Variants in CTNNA2 observed in about 807,000 individuals in gnomAD.
CTNNA2 encodes the protein catenin alpha-2.
A neutral mutation model predicts 101.0 loss-of-function variants in CTNNA2; 42 were observed. The observed-to-expected ratio is 0.42, with a 90% confidence interval of 0.32 to 0.54. CTNNA2 has a LOEUF of 0.54. Among genes scored for constraint, CTNNA2 ranks in the 20% least tolerant of loss-of-function variants. The pLI is 0.14. For synonymous variants in CTNNA2, 450 were observed against 456.4 expected (o/e 0.99, Z 0.18); for missense variants, 871 against 1,223.1 (o/e 0.71, Z 4.29).
chr2:80,587,425 T>C (rs1463183437), intron 14 of CTNNA2, among the ~76,000 whole-genome samples: 2 of 152,226 alleles, frequency 1.3e-5, no homozygotes, highest in African/African-American at 4.8e-5. Context: ...ATGATAATTC[T>C]ATACATGCTT....
chr2:80,468,427 T>A (rs1469299089), intron 9 of CTNNA2, among the ~76,000 whole-genome samples: 1 of 150,470 alleles, frequency 6.6e-6, no homozygotes, highest in East Asian at 1.9e-4. Flanking sequence ...TTTATTTATT[T>A]ATTTTTTTTG....
At chr2:79,200,852 T>A (rs1674024837) in intron 2 of CTNNA2, among the ~76,000 whole-genome samples, 1 of 152,190 alleles carries the variant, frequency 6.6e-6, no homozygotes, top group South Asian at 2.1e-4. Flanking sequence ...TACCATATTT[T>A]AGCAAAGACA....
intron 7 of CTNNA2, among the ~76,000 whole-genome samples, chr2:80,224,996 C>T (rs998636168): frequency 2.0e-5 from 3 of 152,168 alleles, no homozygotes; most frequent in African/African-American, 7.2e-5. Flanking sequence ...GCATCCAAAT[C>T]CCCACACTGC....
At chr2:80,482,882 A>G (rs1032527499) in intron 9 of CTNNA2, among the ~76,000 whole-genome samples, 2 of 152,118 alleles carry the variant, frequency 1.3e-5, no homozygotes, top group South Asian at 2.1e-4. Flanking sequence ...GTTCTCCACA[A>G]TACTCACCAT....
At chr2:79,847,903 T>C (rs188344199) in intron 3 of CTNNA2, among the ~76,000 whole-genome samples, 11 of 152,286 alleles carry the variant, frequency 7.2e-5, no homozygotes, top group Admixed American at 5.2e-4. Context: ...AGTTGTGGCA[T>C]TGATTCTTGT....
intron 12 of CTNNA2, among the ~76,000 whole-genome samples, chr2:80,566,087 T>G (rs1317256907): frequency 1.3e-5 from 2 of 152,214 alleles, no homozygotes; most frequent in Non-Finnish European, 2.9e-5. Flanking sequence ...GGCATAGCTA[T>G]TTTTACTGAT....
At chr2:80,080,985 G>A (rs996761171) in intron 7 of CTNNA2, among the ~76,000 whole-genome samples, 10 of 143,740 alleles carry the variant, frequency 7.0e-5, no homozygotes, top group South Asian at 2.2e-4. Context: ...AATGCTTGCC[G>A]TGTTGCAGAT....
chr2:80,527,232 A>G (rs894225024), intron 9 of CTNNA2, among the ~76,000 whole-genome samples: 41 of 152,332 alleles, frequency 2.7e-4, no homozygotes, highest in Middle Eastern at 6.8e-3. Flanking sequence ...AATTTTTTAA[A>G]AAGAAAGCAA....
intron 7 of CTNNA2, among the ~76,000 whole-genome samples, chr2:80,295,068 A>G (rs1017142556): frequency 4.6e-5 from 7 of 150,810 alleles, no homozygotes; most frequent in Admixed American, 4.6e-4. Flanking sequence ...TTCTCCTCTC[A>G]TCTCCTTCTC....
intron 4 of CTNNA2, among the ~76,000 whole-genome samples, chr2:79,377,809 T>C (rs981641777): frequency 1.3e-5 from 2 of 152,150 alleles, no homozygotes; most frequent in African/African-American, 4.8e-5. Flanking sequence ...GCAAGTATCA[T>C]ACTGCATCCC....
At chr2:79,425,059 G>A (rs982069701) in intron 4 of CTNNA2, among the ~76,000 whole-genome samples, 4 of 152,044 alleles carry the variant, frequency 2.6e-5, no homozygotes, top group Non-Finnish European at 5.9e-5. Flanking sequence ...TTAGACAGAG[G>A]GGAAAAAGAA....
intron 8 of CTNNA2, among the ~76,000 whole-genome samples, chr2:80,411,573 C>T (rs981725672): frequency 1.3e-5 from 2 of 152,132 alleles, no homozygotes; most frequent in African/African-American, 4.8e-5. Flanking sequence ...ACATTTGTTC[C>T]TGGAATGTTT....
At chr2:80,623,133 T>C (rs1671317211) in intron 18 of CTNNA2, among the ~76,000 whole-genome samples, 1 of 151,508 alleles carries the variant, frequency 6.6e-6, no homozygotes, top group Non-Finnish European at 1.5e-5. Context: ...ACTGTTCTCC[T>C]TTCTTCCTCC....
At position 80,648,242 on chromosome 2, in the gene CTNNA2, A is replaced by C. The variant is rs552298475; in HGVS notation, c.*370A>C. ...AATCATTAGGTTGGCAGGTATATGC[A>C]TAAGTGAAAAATCTGGAAGTGTAAT... is the stretch of plus-strand genomic sequence containing the variant. On this transcript the variant is annotated 3_prime_UTR_variant, in exon 19 of 19. Coordinates refer to ENST00000402739, the MANE Select transcript of CTNNA2 (RefSeq NM_001282597.3). The C allele has an allele frequency of 6.2e-6, 1 of 161,456 alleles. No individual in the cohort carries two copies. Among genetic ancestry groups the C allele is most frequent in the African/African-American group, 2.4e-5 (1 of 41,808 alleles). 10.0% of individuals were successfully genotyped at this position (161,456 alleles called of 1,614,324 possible). A position where few individuals can be genotyped will look rare whatever the true frequency, so the allele number is the denominator to read the frequency against.
At chr2:80,441,387 G>A (rs1682557390) in intron 9 of CTNNA2, among the ~76,000 whole-genome samples, 2 of 152,118 alleles carry the variant, frequency 1.3e-5, no homozygotes, top group Middle Eastern at 3.2e-3. Flanking sequence ...TTTGTGCAAC[G>A]ATTTGAAGTT....
intron 9 of CTNNA2, among the ~76,000 whole-genome samples, chr2:80,522,530 T>C (rs966404195): frequency 6.6e-6 from 1 of 152,134 alleles, no homozygotes; most frequent in Non-Finnish European, 1.5e-5. Context: ...AATTGCCGAG[T>C]AGGAATCTTA....
At chr2:79,279,991 C>T (rs531299078) in intron 2 of CTNNA2, among the ~76,000 whole-genome samples, 1 of 152,074 alleles carries the variant, frequency 6.6e-6, no homozygotes, top group Non-Finnish European at 1.5e-5. Context: ...TTCAACCTTA[C>T]TAAGAATTTG....
At chr2:79,242,969 A>AATATATATATATATATATCTATATATAT (rs1674646290) in intron 2 of CTNNA2, among the ~76,000 whole-genome samples, 1 of 127,332 alleles carries the variant, frequency 7.9e-6, no homozygotes, top group Non-Finnish European at 1.6e-5. Context: ...CCTGTCTCGA[A>AATATATATATATATATATCTATATATAT]ATATATATAT....
intron 2 of CTNNA2, among the ~76,000 whole-genome samples, chr2:79,217,061 G>C (rs138289739): frequency 6.6e-6 from 1 of 152,222 alleles, no homozygotes; most frequent in South Asian, 2.1e-4. Context: ...TTGAAATTAA[G>C]AGAAGGGAGA....
Sources: gnomAD v4.1 joint callset for allele counts (sites outside exome capture counted in the v4.1 genomes callset) on GRCh38, gnomAD v4.1.1 for gene constraint, MANE v1.5 for transcripts, NCBI Gene and HGNC (gene_info 2026-07-23, HGNC 2026-07-21) for gene names.